The following BCL2L13 variants were observed in gnomAD, a reference collection of about 807,000 sequenced individuals.
BCL2L13 encodes BCL2 like 13, also known as bcl-2-like protein 13.
Under a neutral mutation model 25.8 loss-of-function variants are expected in BCL2L13, and 13 were observed. The ratio of observed to expected loss-of-function variants is 0.50; its 90% CI spans 0.33 to 0.80. BCL2L13 has a LOEUF of 0.80. BCL2L13 is among the 30% of genes least tolerant of loss of function. The pLI is 0.02. For synonymous variants in BCL2L13, 244 were observed against 230.3 expected, an observed-to-expected ratio of 1.06 and a Z score of -0.54; for missense variants, 504 against 574.9, an observed-to-expected ratio of 0.88 and a Z score of 1.26.
intron 2 of BCL2L13, among the ~76,000 whole-genome samples, chr22:17,665,548 AC>A (rs2059208496): frequency 6.6e-6 from 1 of 151,888 alleles, no homozygotes. Context: ...GGGGGAAATC[AC>A]CCCCATGATT....
intron 2 of BCL2L13, among the ~76,000 whole-genome samples, chr22:17,678,107 C>T (rs1043815056): frequency 2.0e-5 from 3 of 152,078 alleles, no homozygotes; most frequent in Non-Finnish European, 2.9e-5. Context: ...ACAGCAGCCT[C>T]GACCTCCCAG....
In BCL2L13 at chr22:17,730,575, T is replaced by G. The variant is rs2061382140; in HGVS notation, c.*3041T>G. ...AGATGTGGACATTTCAGTGTTTGAATTATTTTAAGAGATGTTTTATAGAAA... is the reference window on the plus strand; with the variant it reads ...AGATGTGGACATTTCAGTGTTTGAAGTATTTTAAGAGATGTTTTATAGAAA... On this transcript the variant is annotated 3_prime_UTR_variant, in exon 7 of 7. Coordinates refer to ENST00000317582, the MANE Select transcript of BCL2L13 (RefSeq NM_015367.4). 1 of 152,214 alleles carries G rather than the reference T, an allele frequency of 6.6e-6. No homozygotes were observed. The highest frequency in any genetic ancestry group is 1.5e-5 in the Non-Finnish European group (1 of 68,042). The allele number at this position is 152,214 out of a possible 1,614,324, so 9.4% of individuals were successfully genotyped here.
intron 2 of BCL2L13, among the ~76,000 whole-genome samples, chr22:17,677,002 A>G (rs1050405324): frequency 3.3e-5 from 5 of 152,228 alleles, no homozygotes; most frequent in African/African-American, 1.2e-4. Flanking sequence ...AATGTCATTA[A>G]GCAAAGTATA....
exon 1 of BCL2L13, chr22:17,628,933 G>C: frequency 4.1e-6 from 2 of 491,918 alleles, no homozygotes; most frequent in Non-Finnish European, 7.5e-6. Context: ...CTGGGATCTT[G>C]GGTAGGAGGA....
chr22:17,656,546 C>T (rs2058872785), intron 2 of BCL2L13, among the ~76,000 whole-genome samples: 1 of 151,162 alleles, frequency 6.6e-6, no homozygotes, highest in African/African-American at 2.4e-5. Context: ...TGAGGTTTTG[C>T]CGTGTTGGCC....
intron 6 of BCL2L13, among the ~76,000 whole-genome samples, chr22:17,720,061 G>A (rs1195143347): frequency 6.6e-6 from 1 of 152,128 alleles, no homozygotes; most frequent in East Asian, 1.9e-4. Context: ...TTTTTGGGAT[G>A]ATGGAAATTT....
intron 2 of BCL2L13, among the ~76,000 whole-genome samples, chr22:17,669,095 C>T (rs1023649665): frequency 9.9e-5 from 13 of 131,138 alleles, no homozygotes; most frequent in African/African-American, 3.5e-4. Flanking sequence ...TGCAGTGGTG[C>T]GATCTCAGCT....
chr22:17,686,446 T>C (rs5747327), intron 3 of BCL2L13, among the ~76,000 whole-genome samples: 1 of 151,116 alleles, frequency 6.6e-6, no homozygotes, highest in African/African-American at 2.4e-5. Flanking sequence ...TGAGACCATT[T>C]AAAAAAAATG....
chr22:17,706,843 C>G, intron 6 of BCL2L13: 1 of 1,351,454 alleles, frequency 7.4e-7, no homozygotes, highest in Non-Finnish European at 9.8e-7. Context: ...TTGTATTTTA[C>G]TTTCTCCGTC....
intron 4 of BCL2L13, among the ~76,000 whole-genome samples, chr22:17,693,118 G>A (rs1055398273): frequency 1.3e-5 from 2 of 151,798 alleles, no homozygotes; most frequent in African/African-American, 4.8e-5. Context: ...GCTGCTTTCC[G>A]GCTATGTGGG....
At chr22:17,663,200 A>G (rs781617040) in intron 2 of BCL2L13, among the ~76,000 whole-genome samples, 1 of 152,128 alleles carries the variant, frequency 6.6e-6, no homozygotes, top group Non-Finnish European at 1.5e-5. Flanking sequence ...ATAAATTTCT[A>G]CCACAGCAAT....
intron 2 of BCL2L13, among the ~76,000 whole-genome samples, chr22:17,681,868 C>T (rs1348224684): frequency 6.6e-6 from 1 of 152,156 alleles, no homozygotes; most frequent in Non-Finnish European, 1.5e-5. Context: ...CATTTCTTCC[C>T]TGTGTCTTGG....
At position 17,670,617 on chromosome 22, in the gene BCL2L13, G is replaced by A. The variant is rs540350502; in HGVS notation, c.122-12597G>A. Among the ~76,000 whole-genome samples the A allele has an allele frequency of 3.9e-5, 6 of 151,978 alleles. No individual in the cohort carries two copies. The East Asian group carries it at 7.7e-4, about 20-fold the overall frequency. ...TCAAGCCCCCGACCTCGGCTGCTTC[G>A]GCCTCCCAAAGTGCTGGGATTACAG... On this transcript the variant is annotated intron_variant, in intron 2 of 6. Coordinates refer to ENST00000317582, the MANE Select transcript of BCL2L13 (RefSeq NM_015367.4).
intron 2 of BCL2L13, among the ~76,000 whole-genome samples, chr22:17,670,655 G>C (rs2059387897): frequency 6.6e-6 from 1 of 152,126 alleles, no homozygotes. Context: ...ATGAGCCACT[G>C]CGCCCGGCTT....
chr22:17,712,713 A>G (rs2060797639), intron 6 of BCL2L13, among the ~76,000 whole-genome samples: 1 of 152,232 alleles, frequency 6.6e-6, no homozygotes, highest in South Asian at 2.1e-4. Context: ...AGGAAAATTT[A>G]GCTTAACTGT....
Position 17,682,286 on chromosome 22 carries a change from G to A in BCL2L13, c.122-928G>A, listed in dbSNP as rs529264262. On this transcript the variant is annotated intron_variant, in intron 2 of 6. Coordinates refer to ENST00000317582, the MANE Select transcript of BCL2L13 (RefSeq NM_015367.4). Reference sequence around the variant, plus strand: ...ACAAAGAAATCGTTATGCCCACAGTGGTGGAATTTTAGCCTCAGTTGTGTG... The same window carrying A: ...ACAAAGAAATCGTTATGCCCACAGTAGTGGAATTTTAGCCTCAGTTGTGTG... Among the ~76,000 whole-genome samples, 20 of 152,288 alleles carry A rather than the reference G, an allele frequency of 1.3e-4. 1 individual carries two copies. Among genetic ancestry groups the A allele is most frequent in the Non-Finnish European group, 2.6e-4 (18 of 68,026 alleles).
intron 6 of BCL2L13, among the ~76,000 whole-genome samples, chr22:17,723,887 T>C (rs2907924): frequency 0.87 from 132,090 of 151,070 alleles, 58,054 homozygotes; most frequent in African/African-American, 0.97. Context: ...GAGCCAAGAT[T>C]GCACCACTGC....
intron 1 of BCL2L13, among the ~76,000 whole-genome samples, chr22:17,640,912 G>T (rs34031531): frequency 6.7e-6 from 1 of 148,420 alleles, no homozygotes; most frequent in Non-Finnish European, 1.5e-5. Context: ...TTTTTTTGAG[G>T]CGGAGTGTCG....
chr22:17,633,400 T>G (rs1436981935), intron 1 of BCL2L13, among the ~76,000 whole-genome samples: 1 of 152,220 alleles, frequency 6.6e-6, no homozygotes. Context: ...GTTGGTAGTT[T>G]TCCAAATGTA....
Sources: allele counts gnomAD v4.1 joint callset (sites outside exome capture counted in the v4.1 genomes callset), GRCh38; gene constraint gnomAD v4.1.1; transcripts MANE v1.5; gene names NCBI Gene and HGNC (gene_info 2026-07-23, HGNC 2026-07-21).